Variants in GPM6A observed in about 807,000 individuals in gnomAD.
The protein encoded by GPM6A is neuronal membrane glycoprotein M6-a.
Under a neutral mutation model 32.1 loss-of-function variants are expected in GPM6A, and 7 were observed. The ratio of observed to expected loss-of-function variants is 0.22; its 90% confidence interval spans 0.12 to 0.41. The LOEUF is 0.41. Ranked by LOEUF, GPM6A falls within the 10% of genes least tolerant of loss-of-function variation. The pLI, the probability that GPM6A is intolerant of heterozygous loss-of-function variation, is 1.00. For synonymous variants in GPM6A, 130 were observed against 123.4 expected (o/e 1.05, Z -0.35); for missense variants, 235 against 347.2 (o/e 0.68, Z 2.57).
At chr4:175,754,037 CA>C (rs1421213581) in intron 1 of GPM6A, among the ~76,000 whole-genome samples, 1 of 152,108 alleles carries the variant, frequency 6.6e-6, no homozygotes, top group Admixed American at 6.6e-5. Context: ...TCCAATCTAT[CA>C]ATTCACTTGT....
intron 1 of GPM6A, among the ~76,000 whole-genome samples, chr4:175,889,674 G>C (rs1445770087): frequency 6.6e-6 from 1 of 152,116 alleles, no homozygotes; most frequent in African/African-American, 2.4e-5. Flanking sequence ...TTAGCTGGGC[G>C]TGGTGGCGGA....
intron 3 of GPM6A, among the ~76,000 whole-genome samples, chr4:175,653,088 A>T (rs1009094062): frequency 6.6e-6 from 1 of 152,158 alleles, no homozygotes; most frequent in Non-Finnish European, 1.5e-5. Flanking sequence ...GATTTAGGTG[A>T]AATCTCAAAC....
chr4:175,714,125 T>C (rs941750109), intron 1 of GPM6A, among the ~76,000 whole-genome samples: 1 of 152,174 alleles, frequency 6.6e-6, no homozygotes, highest in African/African-American at 2.4e-5. Flanking sequence ...TTGTGGGTTT[T>C]TATCAAGTTC....
intron 2 of GPM6A, among the ~76,000 whole-genome samples, chr4:175,683,211 G>T (rs965715566): frequency 1.3e-5 from 2 of 152,178 alleles, no homozygotes; most frequent in African/African-American, 4.8e-5. Flanking sequence ...TGACTGCCCT[G>T]CTGTATTTTG....
At chr4:175,858,121 A>G (rs1004338955) in intron 1 of GPM6A, among the ~76,000 whole-genome samples, 11 of 152,198 alleles carry the variant, frequency 7.2e-5, no homozygotes, top group African/African-American at 2.7e-4. Flanking sequence ...TTAAGCAAAC[A>G]TTTCACCAAA....
intron 1 of GPM6A, among the ~76,000 whole-genome samples, chr4:175,963,629 G>T (rs139796227): frequency 9.9e-4 from 150 of 152,216 alleles, no homozygotes; most frequent in African/African-American, 3.3e-3. Context: ...TTTAAAAGAG[G>T]TTCTTCAGAA....
chr4:175,928,933 G>T (rs943091387), intron 1 of GPM6A, among the ~76,000 whole-genome samples: 1 of 152,166 alleles, frequency 6.6e-6, no homozygotes, highest in Non-Finnish European at 1.5e-5. Flanking sequence ...CATGGATACA[G>T]TTGTCTGAGA....
intron 2 of GPM6A, among the ~76,000 whole-genome samples, chr4:175,681,945 G>A (rs1213124224): frequency 6.6e-6 from 1 of 152,180 alleles, no homozygotes; most frequent in Non-Finnish European, 1.5e-5. Context: ...TGGGTAGCAG[G>A]CAGAGGTTGA....
At chr4:175,996,300 T>C (rs986718771) in intron 1 of GPM6A, among the ~76,000 whole-genome samples, 3 of 152,196 alleles carry the variant, frequency 2.0e-5, no homozygotes, top group Non-Finnish European at 4.4e-5. Flanking sequence ...CTTAGTTAAA[T>C]ACATCTCTTC....
chr4:175,735,879 A>G (rs1487445563), intron 1 of GPM6A, among the ~76,000 whole-genome samples: 1 of 152,080 alleles, frequency 6.6e-6, no homozygotes, highest in Non-Finnish European at 1.5e-5. Context: ...ATCTTAAAAC[A>G]CAAATAGATT....
At chr4:175,800,451 C>A (rs981934321) in intron 1 of GPM6A, among the ~76,000 whole-genome samples, 7 of 152,134 alleles carry the variant, frequency 4.6e-5, no homozygotes, top group Admixed American at 4.6e-4. Context: ...CAAATCTTGT[C>A]TAAAACAACT....
intron 1 of GPM6A, among the ~76,000 whole-genome samples, chr4:175,713,595 G>C (rs921211257): frequency 6.6e-6 from 1 of 152,088 alleles, no homozygotes; most frequent in Non-Finnish European, 1.5e-5. Context: ...GGCCTAAAAA[G>C]AGCACAAAGT....
At chr4:175,692,723 C>T (rs981708559) in intron 2 of GPM6A, among the ~76,000 whole-genome samples, 5 of 151,784 alleles carry the variant, frequency 3.3e-5, no homozygotes, top group African/African-American at 4.8e-5. Context: ...TACTATATTG[C>T]TTGTATCCTT....
At position 175,634,000 on chromosome 4, in the gene GPM6A, T is replaced by C. The variant is rs1160586044; in HGVS notation, c.*905A>G. 1 of 152,558 alleles carries C rather than the reference T, an allele frequency of 6.6e-6. No homozygotes were observed. Among genetic ancestry groups the C allele is most frequent in the Non-Finnish European group, 1.5e-5 (1 of 67,972 alleles). The allele number at this position is 152,558 out of a possible 1,614,324, so 9.5% of individuals were successfully genotyped here. A position where few individuals can be genotyped will look rare whatever the true frequency, so the allele number is the denominator to read the frequency against. On this transcript the variant is annotated 3_prime_UTR_variant, in exon 7 of 7. Transcript: ENST00000393658. ...GAGGGGTTAGTGTGCTTATTTGTAA[T>C]AAACCACCTTCATAAAGGTAATTAA...
intron 1 of GPM6A, among the ~76,000 whole-genome samples, chr4:175,789,227 A>G (rs1421607975): frequency 6.6e-6 from 1 of 152,222 alleles, no homozygotes; most frequent in Non-Finnish European, 1.5e-5. Context: ...TTATTTCAAC[A>G]ATAGACTTTT....
intron 1 of GPM6A, among the ~76,000 whole-genome samples, chr4:175,928,284 T>C (rs1160036658): frequency 1.3e-5 from 2 of 152,222 alleles, no homozygotes; most frequent in African/African-American, 2.4e-5. Flanking sequence ...GACAAGAATG[T>C]TGCAATAAAT....
At chr4:175,672,110 A>G (rs1276370194) in intron 3 of GPM6A, among the ~76,000 whole-genome samples, 1 of 152,186 alleles carries the variant, frequency 6.6e-6, no homozygotes, top group African/African-American at 2.4e-5. Flanking sequence ...ATATATAGAT[A>G]TGCAATTCTT....
At chr4:175,818,483 A>T (rs1215798152) in intron 1 of GPM6A, among the ~76,000 whole-genome samples, 1 of 152,250 alleles carries the variant, frequency 6.6e-6, no homozygotes, top group African/African-American at 2.4e-5. Flanking sequence ...ATATATATGT[A>T]TCTTCCCCCC....
chr4:175,667,880 T>C (rs367569685), intron 3 of GPM6A, among the ~76,000 whole-genome samples: 3 of 152,208 alleles, frequency 2.0e-5, no homozygotes, highest in East Asian at 1.9e-4. Context: ...AACAAACAGA[T>C]ATAAACAAAA....
Sources: allele counts gnomAD v4.1 joint callset (sites outside exome capture counted in the v4.1 genomes callset), GRCh38; gene constraint gnomAD v4.1.1; transcripts MANE v1.5; gene names NCBI Gene and HGNC (gene_info 2026-07-23, HGNC 2026-07-21).